COL28A1: variants seen among roughly 807,000 people sequenced by gnomAD.
The protein encoded by COL28A1 is collagen type XXVIII alpha 1 chain, also known as collagen alpha-1(XXVIII) chain.
In COL28A1, 161 loss-of-function variants were observed where a neutral mutation model predicts 150.2. The observed-to-expected ratio is 1.07, with a 90% CI of 0.94 to 1.22. The LOEUF (loss-of-function observed/expected upper bound fraction) is 1.22. Among genes scored for constraint, COL28A1 ranks in the 50% most tolerant of loss-of-function variants. The pLI is 0.00. For synonymous variants in COL28A1, 552 were observed against 469.7 expected (o/e 1.18, Z -2.26); for missense variants, 1,617 against 1,388.3 (o/e 1.16, Z -2.62).
chr7:7,378,929 A>G (rs1435918959), intron 30 of COL28A1, among the ~76,000 whole-genome samples: 2 of 152,228 alleles, frequency 1.3e-5, no homozygotes, highest in Non-Finnish European at 2.9e-5. Flanking sequence ...GCTGTGAACC[A>G]GTCCTCATTT....
intron 15 of COL28A1, among the ~76,000 whole-genome samples, chr7:7,473,903 AGT>A (rs771312473): frequency 2.1e-4 from 31 of 150,144 alleles, no homozygotes; most frequent in South Asian, 1.5e-3. Context: ...TTACATATAT[AGT>A]GTGTGTGTTT....
intron 8 of COL28A1, among the ~76,000 whole-genome samples, chr7:7,515,432 A>T (rs1048191250): frequency 2.6e-5 from 4 of 152,170 alleles, no homozygotes; most frequent in Non-Finnish European, 4.4e-5. Flanking sequence ...CTGGGAGAGG[A>T]TTTGGTGTCT....
chr7:7,474,579 T>C, intron 15 of COL28A1, 22 bp downstream of exon 15: 1 of 953,236 alleles, frequency 1.0e-6, no homozygotes. Context: ...TTGTTTCCAG[T>C]GTACACCCTA....
chr7:7,425,818 T>C (rs1784618177), intron 25 of COL28A1, among the ~76,000 whole-genome samples: 1 of 152,214 alleles, frequency 6.6e-6, no homozygotes, highest in Non-Finnish European at 1.5e-5. Flanking sequence ...AACGACTTGC[T>C]GAGGTCACAC....
the COL28A1 span, among the ~76,000 whole-genome samples, chr7:7,341,843 T>C: frequency 5.3e-5 from 8 of 152,242 alleles, no homozygotes; most frequent in African/African-American, 1.9e-4. Flanking sequence ...ACTTGCTTTT[T>C]ATGGACCAGT....
intron 33 of COL28A1, among the ~76,000 whole-genome samples, chr7:7,361,189 A>G (rs1327572776): frequency 6.6e-6 from 1 of 152,240 alleles, no homozygotes; most frequent in Non-Finnish European, 1.5e-5. Flanking sequence ...GAAATGTTTG[A>G]TATCTAAAGA....
chr7:7,409,268 G>A (rs1484853702), intron 27 of COL28A1, among the ~76,000 whole-genome samples: 5 of 152,026 alleles, frequency 3.3e-5, no homozygotes, highest in Non-Finnish European at 7.4e-5. Flanking sequence ...AAATTCATGC[G>A]CTATAAAGGT....
chr7:7,383,295 T>C (rs78561629), intron 27 of COL28A1, among the ~76,000 whole-genome samples: 3 of 147,526 alleles, frequency 2.0e-5, no homozygotes, highest in Non-Finnish European at 4.5e-5. Flanking sequence ...TGTGTTTTTT[T>C]TGAGACAGAG....
chr7:7,393,238 G>A (rs1782648015), intron 27 of COL28A1, among the ~76,000 whole-genome samples: 1 of 152,212 alleles, frequency 6.6e-6, no homozygotes. Context: ...GTCTGCTGGA[G>A]TTTGCTGGAC....
At position 7,506,072 on chromosome 7, in the gene COL28A1, TC is replaced by T; in HGVS notation, c.973-6del. On this transcript the variant is annotated splice_region_variant and splice_polypyrimidine_tract_variant and intron_variant, in intron 10 of 34. Coordinates refer to ENST00000399429, the MANE Select transcript of COL28A1 (RefSeq NM_001037763.3). ...TCCTGGAGGTCCAGTAATTCCCTGC[TC>T]CAGGATGAAAACCAAGAATTAGTTC... The T allele has an allele frequency of 1.5e-6, 2 of 1,361,200 alleles. No individual in the cohort carries two copies. The highest frequency in any genetic ancestry group is 2.1e-6 in the Non-Finnish European group (2 of 949,318). The allele number at this position is 1,361,200 out of a possible 1,614,324, so 84.3% of individuals were successfully genotyped here.
At chr7:7,430,278 C>A (rs1784889263) in intron 25 of COL28A1, among the ~76,000 whole-genome samples, 1 of 152,126 alleles carries the variant, frequency 6.6e-6, no homozygotes, top group African/African-American at 2.4e-5. Flanking sequence ...AGGCGCCCAC[C>A]ACCACGCCCA....
intron 23 of COL28A1, among the ~76,000 whole-genome samples, chr7:7,433,859 A>C (rs1355970886): frequency 6.6e-6 from 1 of 152,212 alleles, no homozygotes; most frequent in East Asian, 1.9e-4. Flanking sequence ...AACTCTAACA[A>C]CAGGCAGACC....
intron 32 of COL28A1, among the ~76,000 whole-genome samples, chr7:7,371,133 A>C (rs941123667): frequency 1.3e-5 from 2 of 152,194 alleles, no homozygotes; most frequent in Non-Finnish European, 2.9e-5. Flanking sequence ...GTTCAACGTG[A>C]ATCACTCCTT....
chr7:7,507,111 C>G lies in COL28A1; in HGVS notation c.972+6G>C, dbSNP rs750156402. On this transcript the variant is annotated splice_donor_region_variant and intron_variant, in intron 10 of 34. Coordinates refer to ENST00000399429, the MANE Select transcript of COL28A1 (RefSeq NM_001037763.3). ...TCAAACTTAGATTTGGTTTTAACCC[C>G]CTTACCTGAATTCCTCTGGGTCCCT... 4 of 1,201,684 alleles carry G rather than the reference C, an allele frequency of 3.3e-6. No individual in the cohort carries two copies. Among genetic ancestry groups the G allele is most frequent in the Non-Finnish European group, 5.0e-6 (4 of 804,712 alleles). 74.4% of individuals were successfully genotyped at this position (1,201,684 alleles called of 1,614,324 possible). A position where few individuals can be genotyped will look rare whatever the true frequency, so the allele number is the denominator to read the frequency against.
intron 15 of COL28A1, among the ~76,000 whole-genome samples, chr7:7,469,469 C>T (rs1443295410): frequency 5.7e-5 from 2 of 35,220 alleles, no homozygotes; most frequent in Non-Finnish European, 1.0e-4. Context: ...AGGACACAAA[C>T]AAATGGAAGA....
At chr7:7,341,602 T>G in the COL28A1 span, among the ~76,000 whole-genome samples, 2 of 152,084 alleles carry the variant, frequency 1.3e-5, no homozygotes, top group South Asian at 4.1e-4. Flanking sequence ...CCTTTTTTGC[T>G]ATTATACAGT....
downstream of COL28A1, chr7:7,356,795 T>C (rs929475292): frequency 2.0e-5 from 3 of 152,090 alleles, no homozygotes; most frequent in East Asian, 1.9e-4. Flanking sequence ...TGAATACATA[T>C]GTAACAAACC....
chr7:7,404,498 T>G (rs1435332286), intron 27 of COL28A1, among the ~76,000 whole-genome samples: 2 of 152,022 alleles, frequency 1.3e-5, no homozygotes, highest in African/African-American at 2.4e-5. Context: ...TAGTCTCTTT[T>G]CTCTTCTTTG....
Position 7,477,148 on chromosome 7 carries a change from C to CT in COL28A1, c.1196dup (p.Arg400GlufsTer14). On this transcript the variant is annotated frameshift_variant, in exon 14 of 35. Transcript: ENST00000399429. LOFTEE classifies it high-confidence loss of function. ...GAAATCCTTCTCCGGGTAAGCCCCT[C>CT]TCTCCTGGTACTCCCTCAGGACCAC... 7.4e-7 allele frequency: 1 copy of CT among 1,350,066 alleles called. No homozygotes were observed. Among genetic ancestry groups the CT allele is most frequent in the Non-Finnish European group, 1.1e-6 (1 of 938,652 alleles). The allele number at this position is 1,350,066 out of a possible 1,614,324, so 83.6% of individuals were successfully genotyped here.
Sources: gnomAD v4.1 joint callset for allele counts (sites outside exome capture counted in the v4.1 genomes callset) on GRCh38, gnomAD v4.1.1 for gene constraint, MANE v1.5 for transcripts, NCBI Gene and HGNC (gene_info 2026-07-23, HGNC 2026-07-21) for gene names.